Variants in KMT2C observed in about 807,000 individuals in gnomAD.
The protein encoded by KMT2C is lysine methyltransferase 2C, also known as histone-lysine N-methyltransferase 2C.
Under a neutral mutation model 507.9 loss-of-function variants are expected in KMT2C, and 88 were observed. That is an observed-to-expected ratio of 0.17 (90% confidence interval 0.15 to 0.21). The LOEUF (loss-of-function observed/expected upper bound fraction) is 0.21. Among genes scored for constraint, KMT2C ranks in the 10% least tolerant of loss-of-function variants. KMT2C has a pLI of 1.00. For missense variants in KMT2C, 4,954 were observed against 5,957.8 expected (o/e 0.83, Z 5.55); for synonymous variants, 2,049 against 2,080.8 (o/e 0.98, Z 0.42).
chr7:152,372,748 T>C (rs887719952), intron 1 of KMT2C, among the ~76,000 whole-genome samples: 1 of 151,972 alleles, frequency 6.6e-6, no homozygotes, highest in African/African-American at 2.4e-5. Context: ...AAGGGGGAAA[T>C]AGCAATACCG....
chr7:152,300,788 A>T (rs1288481913), intron 6 of KMT2C, among the ~76,000 whole-genome samples: 1 of 152,148 alleles, frequency 6.6e-6, no homozygotes, highest in Non-Finnish European at 1.5e-5. Context: ...GGCCGGGCAC[A>T]GTGGCTCACG....
intron 3 of KMT2C, among the ~76,000 whole-genome samples, chr7:152,318,134 C>G (rs979619077): frequency 7.9e-5 from 12 of 151,252 alleles, no homozygotes; most frequent in Non-Finnish European, 1.3e-4. Context: ...CAAGACTCCA[C>G]CTCAAAAACA....
At chr7:152,432,332 G>A (rs1261915697) in intron 1 of KMT2C, among the ~76,000 whole-genome samples, 1 of 151,890 alleles carries the variant, frequency 6.6e-6, no homozygotes. Context: ...GTGTAAGGAT[G>A]GAAAAAATAA....
Position 152,163,698 on chromosome 7 carries a change from A to C in KMT2C, c.9879T>G (p.Gly3293=), listed in dbSNP as rs773726514. 7 of 1,613,958 alleles carry C rather than the reference A, an allele frequency of 4.3e-6. No homozygotes were observed. Among genetic ancestry groups the C allele is most frequent in the Non-Finnish European group, 5.9e-6 (7 of 1,179,984 alleles). Residue 3293 remains glycine (G), a synonymous_variant, in exon 43 of 59, where the codon GGT becomes GGG. Coordinates refer to ENST00000262189, the MANE Select transcript of KMT2C (RefSeq NM_170606.3). ...GTTGGCTCATGGTGGGTGGAGTGGC[A>C]CCTGGAATTAGGGGTGGCTGGGGCT... ...SVQPQPPLIP[G]ATPPTMSQPT...
chr7:152,140,119 T>C (rs1464689145), intron 55 of KMT2C, among the ~76,000 whole-genome samples: 1 of 152,192 alleles, frequency 6.6e-6, no homozygotes, highest in Non-Finnish European at 1.5e-5. Context: ...ACCAACTAAA[T>C]AAGCTTATTG....
intron 1 of KMT2C, among the ~76,000 whole-genome samples, chr7:152,380,404 C>G (rs2097363386): frequency 6.6e-6 from 1 of 152,340 alleles, no homozygotes; most frequent in African/African-American, 2.4e-5. Context: ...CCCACCTCTA[C>G]TAAAAACACA....
Position 152,158,893 on chromosome 7 carries a change from A to G in KMT2C, c.11640T>C (p.Ser3880=). 1 of 1,614,148 alleles carries G rather than the reference A, an allele frequency of 6.2e-7. No homozygotes were observed. Among genetic ancestry groups the G allele is most frequent in the Non-Finnish European group, 8.5e-7 (1 of 1,179,988 alleles). ...TCAAGTGGGTAAACGTGTCAGTGCT[A>G]GAGTACATAGCTTGTTTCTCCTCTT... The part of the protein sequence containing the change: ...KDEEEKQAMY[S]STDTFTHLKQ... The change falls in exon 44 of 59, where the codon TCT becomes TCC. Residue 3880 remains serine, a synonymous_variant. Transcript: ENST00000262189.
intron 2 of KMT2C, among the ~76,000 whole-genome samples, chr7:152,357,457 A>G (rs9655617): frequency 0.11 from 16,514 of 151,972 alleles, 2,174 homozygotes; most frequent in African/African-American, 0.31. Context: ...CTGTGAATCC[A>G]GGAGGCAGAG....
chr7:152,417,042 T>TC (rs1289518580), intron 1 of KMT2C, among the ~76,000 whole-genome samples: 1 of 106,618 alleles, frequency 9.4e-6, no homozygotes, highest in Non-Finnish European at 1.7e-5. Context: ...CAGTGAGACA[T>TC]CATCTCAAAA....
chr7:152,279,973 T>A (rs1346635630), intron 6 of KMT2C, among the ~76,000 whole-genome samples: 1 of 152,304 alleles, frequency 6.6e-6, no homozygotes, highest in African/African-American at 2.4e-5. Flanking sequence ...GCAAGGATAA[T>A]GCCATTAATA....
At chr7:152,161,560 A>G (rs959441275) in intron 43 of KMT2C, among the ~76,000 whole-genome samples, 1 of 152,190 alleles carries the variant, frequency 6.6e-6, no homozygotes, top group Non-Finnish European at 1.5e-5. Context: ...CTTCATGTAA[A>G]TGAAAAAAAA....
intron 1 of KMT2C, among the ~76,000 whole-genome samples, chr7:152,372,411 C>G (rs2097299367): frequency 6.6e-6 from 1 of 152,142 alleles, no homozygotes; most frequent in Admixed American, 6.5e-5. Flanking sequence ...CCACCTCAGC[C>G]TCCCAAAGTG....
intron 1 of KMT2C, among the ~76,000 whole-genome samples, chr7:152,373,965 A>C (rs1183230760): frequency 6.6e-6 from 1 of 152,198 alleles, no homozygotes; most frequent in Admixed American, 6.5e-5. Context: ...ATAGAATATG[A>C]TAAAGTGCTC....
chr7:152,315,486 T>C, intron 3 of KMT2C, 148 bp from the exon 4 acceptor site: 2 of 594,144 alleles, frequency 3.4e-6, no homozygotes, highest in Non-Finnish European at 5.9e-6. Context: ...TATTCAGTGA[T>C]TACCCATAAG....
At chr7:152,394,994 T>C (rs1240224001) in intron 1 of KMT2C, among the ~76,000 whole-genome samples, 10 of 152,088 alleles carry the variant, frequency 6.6e-5, no homozygotes, top group Non-Finnish European at 1.3e-4. Context: ...AGCTGCAAAG[T>C]ACCCGAAATA....
At chr7:152,359,316 A>C (rs943095032) in intron 1 of KMT2C, among the ~76,000 whole-genome samples, 7 of 151,780 alleles carry the variant, frequency 4.6e-5, no homozygotes, top group Admixed American at 6.6e-5. Context: ...TAATGCCTTT[A>C]AATTCTTTGA....
rs1396307670 is a variant in KMT2C at position 152,162,675 on chromosome 7, A to T, written c.10902T>A (p.Thr3634=). 10 of 1,614,062 alleles carry T rather than the reference A, an allele frequency of 6.2e-6. No homozygotes were observed. Among genetic ancestry groups the T allele is most frequent in the Non-Finnish European group, 8.5e-6 (10 of 1,180,044 alleles). The change falls in exon 43 of 59, where the codon ACT becomes ACA. Residue 3634 remains threonine, a synonymous_variant. Coordinates refer to ENST00000262189, the MANE Select transcript of KMT2C (RefSeq NM_170606.3). ...TAGAGGTAGTTTCTGAGATGCCTGG[A>T]GTCGGTGGGGCAGTTATATCTGAAT... ...TPHSDITAPP[T]PGISETTSTP...
At chr7:152,167,719 A>T (rs2092794770) in intron 41 of KMT2C, among the ~76,000 whole-genome samples, 1 of 152,218 alleles carries the variant, frequency 6.6e-6, no homozygotes, top group Non-Finnish European at 1.5e-5. Context: ...ATACTAAGGT[A>T]TACATGCATT....
intron 8 of KMT2C, 60 bp from the exon 9 acceptor site, chr7:152,263,190 G>C: frequency 1.4e-6 from 2 of 1,430,148 alleles, no homozygotes; most frequent in Non-Finnish European, 1.9e-6. Context: ...TGTAACATAA[G>C]TAATCATGAA....
Sources: allele counts gnomAD v4.1 joint callset (sites outside exome capture counted in the v4.1 genomes callset), GRCh38; gene constraint gnomAD v4.1.1; transcripts MANE v1.5; gene names NCBI Gene and HGNC (gene_info 2026-07-23, HGNC 2026-07-21).